The following RAD51B variants were observed in gnomAD, a reference collection of about 807,000 sequenced individuals.
RAD51B encodes DNA repair protein RAD51 homolog 2.
Under a neutral mutation model 42.2 loss-of-function variants are expected in RAD51B, and 38 were observed. That is an observed-to-expected ratio of 0.90 (90% CI 0.70 to 1.18). The LOEUF (loss-of-function observed/expected upper bound fraction) is 1.18, where lower values mean the gene tolerates loss of function less well. Ranked by LOEUF, RAD51B falls within the 50% of genes most tolerant of loss-of-function variation. RAD51B has a pLI of 0.00. For synonymous variants in RAD51B, 154 were observed against 145.2 expected (o/e 1.06, Z -0.43); for missense variants, 373 against 400.7 (o/e 0.93, Z 0.59).
At chr14:68,552,255 T>C (rs1218389241) in intron 10 of RAD51B, among the ~76,000 whole-genome samples, 1 of 152,210 alleles carries the variant, frequency 6.6e-6, no homozygotes, top group East Asian at 1.9e-4. Context: ...TTCCGCACTG[T>C]ACTGTCTGGT....
chr14:68,052,731 C>T (rs2076413498), intron 7 of RAD51B, among the ~76,000 whole-genome samples: 1 of 151,870 alleles, frequency 6.6e-6, no homozygotes, highest in Admixed American at 6.6e-5. Context: ...AGCGATCCTC[C>T]CACCTCAGCC....
intron 7 of RAD51B, among the ~76,000 whole-genome samples, chr14:68,090,177 A>G (rs970515113): frequency 3.9e-5 from 6 of 152,202 alleles, no homozygotes; most frequent in Admixed American, 2.6e-4. Context: ...CTTTATATCA[A>G]GAGCTTGGAG....
chr14:68,107,773 C>T (rs186372908), intron 7 of RAD51B, among the ~76,000 whole-genome samples: 53 of 151,814 alleles, frequency 3.5e-4, no homozygotes, highest in South Asian at 1.5e-3. Context: ...TACAAAAGAA[C>T]GAAGTTGAAT....
chr14:68,194,870 A>G (rs557821975), intron 7 of RAD51B, among the ~76,000 whole-genome samples: 2 of 152,358 alleles, frequency 1.3e-5, no homozygotes, highest in Non-Finnish European at 2.9e-5. Context: ...AGTAAGTGGC[A>G]ACTTAGAAGA....
chr14:68,335,954 A>C (rs2082447149), intron 8 of RAD51B, among the ~76,000 whole-genome samples: 1 of 152,214 alleles, frequency 6.6e-6, no homozygotes, highest in African/African-American at 2.4e-5. Flanking sequence ...GGCTGAGAGA[A>C]GGTTTATCAG....
intron 8 of RAD51B, among the ~76,000 whole-genome samples, chr14:68,406,147 GTAAC>G (rs1319154774): frequency 6.6e-6 from 1 of 152,194 alleles, no homozygotes; most frequent in African/African-American, 2.4e-5. Context: ...CTTGTGTTAA[GTAAC>G]TCAGGCATGC....
At chr14:68,659,620 A>G (rs1203688290) in intron 11 of RAD51B, among the ~76,000 whole-genome samples, 1 of 152,164 alleles carries the variant, frequency 6.6e-6, no homozygotes, top group Non-Finnish European at 1.5e-5. Flanking sequence ...GGGGCAAGCC[A>G]AGGGTCGCTT....
intron 8 of RAD51B, among the ~76,000 whole-genome samples, chr14:68,311,603 A>G (rs1168144447): frequency 6.6e-6 from 1 of 152,182 alleles, no homozygotes; most frequent in Non-Finnish European, 1.5e-5. Context: ...AGAGAAGGTA[A>G]CTGGGCCAGG....
chr14:68,101,091 T>A (rs1467556246), intron 7 of RAD51B, among the ~76,000 whole-genome samples: 1 of 152,114 alleles, frequency 6.6e-6, no homozygotes, highest in Non-Finnish European at 1.5e-5. Context: ...CCATCAGATC[T>A]CGTGACAACT....
At chr14:68,627,623 G>T (rs747556487) in intron 10 of RAD51B, among the ~76,000 whole-genome samples, 2 of 152,094 alleles carry the variant, frequency 1.3e-5, no homozygotes, top group Non-Finnish European at 2.9e-5. Context: ...CCTGCCGTTG[G>T]CTTCCCACAG....
intron 10 of RAD51B, among the ~76,000 whole-genome samples, chr14:68,475,953 A>C (rs1882546219): frequency 6.6e-6 from 1 of 152,062 alleles, no homozygotes; most frequent in African/African-American, 2.4e-5. Context: ...ATATGATTTA[A>C]GCTGCATTTC....
intron 7 of RAD51B, among the ~76,000 whole-genome samples, chr14:68,031,525 A>G (rs902983648): frequency 6.6e-6 from 1 of 152,222 alleles, no homozygotes. Context: ...AGTTGGAAAC[A>G]TGGTGCCAGT....
chr14:68,655,177 C>T (rs970718775), intron 11 of RAD51B, among the ~76,000 whole-genome samples: 22 of 151,980 alleles, frequency 1.4e-4, no homozygotes, highest in African/African-American at 5.3e-4. Flanking sequence ...GCTAGCTGCC[C>T]CCACTCTCAG....
chr14:68,229,060 G>A (rs879853069), intron 7 of RAD51B, among the ~76,000 whole-genome samples: 6 of 152,132 alleles, frequency 3.9e-5, no homozygotes, highest in Non-Finnish European at 8.8e-5. Context: ...TTCAGTATTC[G>A]TGGAACAGCT....
chr14:68,195,475 A>G (rs1400456501), intron 7 of RAD51B, among the ~76,000 whole-genome samples: 1 of 152,174 alleles, frequency 6.6e-6, no homozygotes, highest in African/African-American at 2.4e-5. Context: ...TTTGAGGATG[A>G]CCTACAATTA....
chr14:68,221,655 G>A (rs187605969), intron 7 of RAD51B, among the ~76,000 whole-genome samples: 108 of 152,184 alleles, frequency 7.1e-4, no homozygotes, highest in South Asian at 1.2e-3. Flanking sequence ...GAACCCAAAA[G>A]CAAATGCAAC....
chr14:68,652,234 C>T (rs1892717217), intron 11 of RAD51B, among the ~76,000 whole-genome samples: 1 of 152,234 alleles, frequency 6.6e-6, no homozygotes, highest in African/African-American at 2.4e-5. Flanking sequence ...GTCTGCGCTC[C>T]AGATGCCGAG....
intron 9 of RAD51B, among the ~76,000 whole-genome samples, chr14:68,462,006 G>T (rs1182409836): frequency 6.6e-6 from 1 of 152,198 alleles, no homozygotes; most frequent in African/African-American, 2.4e-5. Context: ...GCCCTCAGCT[G>T]AAAAGCACCG....
In RAD51B at chr14:68,648,994, T is replaced by A. The variant is rs1892643669; in HGVS notation, c.1037-1787T>A. 3.3e-5 allele frequency among the ~76,000 whole-genome samples: 5 copies of A among 152,284 alleles called. No homozygotes were observed. In the South Asian group the frequency reaches 1.0e-3, roughly 32 times the overall value. On this transcript the variant is annotated intron_variant, in intron 10 of 11. Coordinates refer to the RAD51B transcript ENST00000488612. The stretch of plus-strand genomic sequence containing the variant: ...AGAGTCCAGTGTGCACAATCCTGGC[T>A]GTCTCCAGAGGCAACCCTCGCATGT...
Sources: allele counts gnomAD v4.1 joint callset (sites outside exome capture counted in the v4.1 genomes callset), GRCh38; gene constraint gnomAD v4.1.1; transcripts MANE v1.5; gene names NCBI Gene and HGNC (gene_info 2026-07-23, HGNC 2026-07-21).